HIVEP3: variants seen among roughly 807,000 people sequenced by gnomAD.
HIVEP3 encodes the protein HIVEP zinc finger 3.
In HIVEP3, 49 loss-of-function variants were observed where a neutral mutation model predicts 152.8. The ratio of observed to expected loss-of-function variants is 0.32; its 90% CI spans 0.26 to 0.41. The LOEUF (loss-of-function observed/expected upper bound fraction) is 0.41. Ranked by LOEUF, HIVEP3 falls within the 10% of genes least tolerant of loss-of-function variation. The pLI, the probability that HIVEP3 is intolerant of heterozygous loss-of-function variation, is 1.00. For synonymous variants in HIVEP3, 1,269 were observed against 1,289.0 expected, an observed-to-expected ratio of 0.98 and a Z score of 0.33; for missense variants, 2,790 against 3,103.3, an observed-to-expected ratio of 0.90 and a Z score of 2.40.
At chr1:41,606,075 G>T (rs796414251) in intron 3 of HIVEP3, among the ~76,000 whole-genome samples, 2 of 149,680 alleles carry the variant, frequency 1.3e-5, no homozygotes, top group South Asian at 2.1e-4. Context: ...CTAGGCCCCA[G>T]AATGCCAAAC....
intron 2 of HIVEP3, among the ~76,000 whole-genome samples, chr1:41,671,438 G>A (rs1481925925): frequency 5.3e-5 from 8 of 152,346 alleles, no homozygotes; most frequent in African/African-American, 1.9e-4. Flanking sequence ...TGCTCTCGGG[G>A]GCAGGCACTG....
At chr1:41,672,648 G>A (rs1423375636) in intron 2 of HIVEP3, among the ~76,000 whole-genome samples, 2 of 152,202 alleles carry the variant, frequency 1.3e-5, no homozygotes, top group East Asian at 1.9e-4. Flanking sequence ...CACACAGCCA[G>A]GAAGTGGTAG....
chr1:41,995,769 T>C (rs1046035195), intron 1 of HIVEP3, among the ~76,000 whole-genome samples: 5 of 152,312 alleles, frequency 3.3e-5, no homozygotes, highest in South Asian at 2.1e-4. Context: ...TTTGAAGTAA[T>C]TTTAGACTTT....
At chr1:41,998,959 G>A (rs1420010013) in intron 1 of HIVEP3, among the ~76,000 whole-genome samples, 1 of 129,628 alleles carries the variant, frequency 7.7e-6, no homozygotes, top group Non-Finnish European at 1.6e-5. Flanking sequence ...GCAATGGTGC[G>A]ATCTCAGCTC....
chr1:41,527,840 C>G (rs553297091), intron 5 of HIVEP3, among the ~76,000 whole-genome samples: 1 of 143,684 alleles, frequency 7.0e-6, no homozygotes, highest in South Asian at 2.3e-4. Flanking sequence ...TCACAATCCA[C>G]TTCCCCACCC....
At chr1:41,912,331 C>T (rs1430782129) in intron 1 of HIVEP3, among the ~76,000 whole-genome samples, 1 of 152,122 alleles carries the variant, frequency 6.6e-6, no homozygotes, top group Non-Finnish European at 1.5e-5. Context: ...TGTAAGCATT[C>T]GTTTGCATCT....
Position 41,837,379 on chromosome 1 carries a change from T to G in HIVEP3, c.-801+81034A>C, listed in dbSNP as rs1264213778. Among the ~76,000 whole-genome samples, 4 of 152,288 alleles carry G rather than the reference T, an allele frequency of 2.6e-5. No individual in the cohort carries two copies. In the East Asian group the frequency reaches 5.8e-4, roughly 22 times the overall value. ...TTCACTCTTGTTGCCCAGGCTTGAG[T>G]GCAATGGTGCAATCTCAGCTCACTG... is the stretch of plus-strand genomic sequence containing the variant. On this transcript the variant is annotated intron_variant, in intron 1 of 8. Coordinates refer to ENST00000372583, the MANE Select transcript of HIVEP3 (RefSeq NM_024503.5).
chr1:41,996,437 G>A (rs1199829719), intron 1 of HIVEP3, among the ~76,000 whole-genome samples: 1 of 150,858 alleles, frequency 6.6e-6, no homozygotes, highest in Non-Finnish European at 1.5e-5. Flanking sequence ...TAACTCTAAT[G>A]GCTAAGGGCT....
chr1:41,774,905 C>T (rs1382471583), intron 1 of HIVEP3, among the ~76,000 whole-genome samples: 1 of 152,006 alleles, frequency 6.6e-6, no homozygotes, highest in Non-Finnish European at 1.5e-5. Context: ...AAGTGATCCT[C>T]CCACCTCAGC....
At chr1:41,665,707 T>TATACACACACACACACACACAC in intron 2 of HIVEP3, among the ~76,000 whole-genome samples, 1 of 128,022 alleles carries the variant, frequency 7.8e-6, no homozygotes, top group South Asian at 2.8e-4. Flanking sequence ...GGAAATGTTA[T>TATACACACACACACACACACAC]ACACACACAC....
intron 1 of HIVEP3, among the ~76,000 whole-genome samples, chr1:41,828,817 C>T (rs190917565): frequency 1.1e-3 from 169 of 152,366 alleles, no homozygotes; most frequent in South Asian, 3.9e-3. Flanking sequence ...CATCCAGAAT[C>T]CCTTTCATTG....
chr1:41,989,272 T>C (rs1453775495), intron 1 of HIVEP3, among the ~76,000 whole-genome samples: 2 of 152,202 alleles, frequency 1.3e-5, no homozygotes, highest in Non-Finnish European at 2.9e-5. Flanking sequence ...TTAATTAGCT[T>C]GATTTAGTTA....
chr1:41,672,037 T>C (rs1005396766), intron 2 of HIVEP3, among the ~76,000 whole-genome samples: 5 of 152,144 alleles, frequency 3.3e-5, no homozygotes, highest in Non-Finnish European at 7.4e-5. Flanking sequence ...CAGTTGGGGT[T>C]GTATCTGCAG....
chr1:41,792,547 A>G (rs760648197), intron 1 of HIVEP3, among the ~76,000 whole-genome samples: 2 of 152,146 alleles, frequency 1.3e-5, no homozygotes, highest in East Asian at 1.9e-4. Context: ...AAGTGAAGGG[A>G]AAAACTCTTA....
chr1:41,523,590 G>A (rs1186990014), intron 6 of HIVEP3, among the ~76,000 whole-genome samples: 5 of 152,120 alleles, frequency 3.3e-5, no homozygotes, highest in Non-Finnish European at 5.9e-5. Flanking sequence ...TAGAGAGAAC[G>A]GAAGGGGCCA....
chr1:41,750,926 C>G (rs1442122628), intron 1 of HIVEP3, among the ~76,000 whole-genome samples: 1 of 152,132 alleles, frequency 6.6e-6, no homozygotes, highest in African/African-American at 2.4e-5. Flanking sequence ...GTTGGTCAGG[C>G]TGGTCTGGAA....
At chr1:41,919,862 T>A (rs1644925981), upstream of HIVEP3, among the ~76,000 whole-genome samples, 1 of 152,170 alleles carries the variant, frequency 6.6e-6, no homozygotes, top group African/African-American at 2.4e-5. Context: ...AGAAGGCAAA[T>A]GTCTTTGACA....
Position 41,581,469 on chromosome 1 carries a change from G to T in HIVEP3, c.3329C>A (p.Pro1110Gln). Residue 1110 changes from proline (P) to glutamine (Q), a missense_variant, in exon 4 of 9, where the codon CCA becomes CAA. Pro to Gln is a moderately conservative substitution (Grantham distance 76, BLOSUM62 -1). This residue lies in a region of HIVEP3 where 1,078 missense variants were observed against 1,165.3 expected (regional missense o/e 0.93). Transcript: ENST00000372583. This position sits in a 1 kb window ranked among gnomAD's most constrained non-coding sequence, Gnocchi z 4.5. ...GGKGPGQDRP[P>Q]LGPTVPYTEA... The stretch of plus-strand genomic sequence containing the variant: ...TGTGTAGGGCACAGTGGGCCCCAAT[G>T]GGGGCCTGTCCTGCCCTGGGCCCTT... 1.3e-6 allele frequency: 2 copies of T among 1,574,192 alleles called. No individual in the cohort carries two copies. Among genetic ancestry groups the T allele is most frequent in the Non-Finnish European group, 8.6e-7 (1 of 1,161,356 alleles).
At chr1:41,877,804 T>G (rs886287820) in intron 1 of HIVEP3, among the ~76,000 whole-genome samples, 2 of 152,222 alleles carry the variant, frequency 1.3e-5, no homozygotes, top group African/African-American at 4.8e-5. Flanking sequence ...GTTCATTACC[T>G]AGAACCTGGA....
Sources: allele counts gnomAD v4.1 joint callset (sites outside exome capture counted in the v4.1 genomes callset), GRCh38; gene constraint gnomAD v4.1.1; regional missense constraint gnomAD v4.1.1; non-coding constraint Gnocchi (gnomAD v3.1); transcripts MANE v1.5; gene names NCBI Gene and HGNC (gene_info 2026-07-23, HGNC 2026-07-21).